The following CACNA1A variants were observed in gnomAD, a reference collection of about 807,000 sequenced individuals.
CACNA1A encodes the protein calcium voltage-gated channel subunit alpha1 A.
Under a neutral mutation model 262.4 loss-of-function variants are expected in CACNA1A, and 57 were observed. The ratio of observed to expected loss-of-function variants is 0.22; its 90% confidence interval spans 0.18 to 0.27. CACNA1A has a LOEUF of 0.27. Ranked by LOEUF, CACNA1A falls within the 10% of genes least tolerant of loss-of-function variation. The probability of loss-of-function intolerance (pLI) is 1.00; values close to 1 mark genes in which losing one functional copy is unlikely to be tolerated. For synonymous variants in CACNA1A, 1,431 were observed against 1,419.3 expected (o/e 1.01, Z -0.18); for missense variants, 2,526 against 3,562.8 (o/e 0.71, Z 7.41).
chr19:13,384,385 T>C (rs2059573289), intron 3 of CACNA1A, among the ~76,000 whole-genome samples: 1 of 152,152 alleles, frequency 6.6e-6, no homozygotes, highest in Non-Finnish European at 1.5e-5. Flanking sequence ...GAGAATGGCA[T>C]ACCTGACAGT....
intron 5 of CACNA1A, among the ~76,000 whole-genome samples, chr19:13,360,033 T>C (rs2059075459): frequency 6.6e-6 from 1 of 151,896 alleles, no homozygotes; most frequent in Non-Finnish European, 1.5e-5. Context: ...AGTTTTTTTT[T>C]TTTTTCTATT....
At chr19:13,258,667 G>GT (rs1185575863) in intron 27 of CACNA1A, 3 of 152,210 alleles carry the variant, frequency 2.0e-5, no homozygotes, top group African/African-American at 7.2e-5. Flanking sequence ...AGTAGGGCAT[G>GT]TTCAGGTTGG....
chr19:13,417,595 GA>G (rs1164242229), intron 3 of CACNA1A, among the ~76,000 whole-genome samples: 2 of 152,100 alleles, frequency 1.3e-5, no homozygotes, highest in African/African-American at 4.8e-5. Flanking sequence ...GGAGTTAAAA[GA>G]GAACCATAGT....
intron 6 of CACNA1A, among the ~76,000 whole-genome samples, chr19:13,358,521 T>C (rs1415212558): frequency 2.0e-5 from 3 of 152,188 alleles, no homozygotes; most frequent in African/African-American, 7.2e-5. Context: ...GAACAGCATG[T>C]ATAGAATGCT....
intron 7 of CACNA1A, 82 bp from the exon 8 acceptor site, chr19:13,334,575 G>GTA: frequency 3.0e-6 from 2 of 665,816 alleles, no homozygotes; most frequent in Middle Eastern, 3.7e-4. Flanking sequence ...GTGTGTGTGT[G>GTA]TGTGTGTGTG....
Position 13,303,860 on chromosome 19 carries a change from C to G in CACNA1A, c.2011G>C (p.Glu671Gln). The change falls in exon 16 of 47, where the codon GAG becomes CAG. Residue 671 changes from glutamate (E) to glutamine (Q), a missense_variant. Glu to Gln is a conservative substitution (Grantham distance 29, BLOSUM62 2). Transcript: ENST00000360228. ...FQILTGEDWN[E>Q]VMYDGIKSQG... ...GACTTGATCCCGTCGTACATGACCT[C>G]GTTCCAGTCTTCGCCCGTCAGGATC... 6.2e-7 allele frequency: 1 copy of G among 1,613,554 alleles called. No homozygotes were observed. The highest frequency in any genetic ancestry group is 8.5e-7 in the Non-Finnish European group (1 of 1,179,600).
intron 17 of CACNA1A, 96 bp from the exon 18 acceptor site, chr19:13,300,752 AT>A: frequency 1.0e-6 from 1 of 969,526 alleles, no homozygotes; most frequent in Non-Finnish European, 1.7e-6. Flanking sequence ...CATTTGAAAT[AT>A]TTCGACCAAT....
chr19:13,483,168 T>G (rs980332351), intron 1 of CACNA1A, among the ~76,000 whole-genome samples: 7 of 152,066 alleles, frequency 4.6e-5, no homozygotes, highest in African/African-American at 1.7e-4. Context: ...CTTCATACTC[T>G]TTTCCTACAG....
intron 38 of CACNA1A, among the ~76,000 whole-genome samples, chr19:13,217,542 G>T (rs759579188): frequency 1.3e-5 from 2 of 152,172 alleles, no homozygotes; most frequent in Non-Finnish European, 2.9e-5. Flanking sequence ...GCCTGGCTCA[G>T]CTGTGGAACT....
At chr19:13,473,727 G>A (rs1255561194) in intron 1 of CACNA1A, among the ~76,000 whole-genome samples, 1 of 149,768 alleles carries the variant, frequency 6.7e-6, no homozygotes, top group Non-Finnish European at 1.5e-5. Flanking sequence ...GTACATCCCA[G>A]TTCCAGGCAC....
chr19:13,377,240 G>A lies in CACNA1A; in HGVS notation c.540-5461C>T, dbSNP rs989619045. ...GCCTCCCAAAGTGGTGGGATTACAG[G>A]TGCGAGCCACTGTACCCAGCCAGAA... On this transcript the variant is annotated intron_variant, in intron 3 of 46. Transcript: ENST00000360228. Among the ~76,000 whole-genome samples, 18 of 151,972 alleles carry A rather than the reference G, an allele frequency of 1.2e-4. No individual in the cohort carries two copies. In the East Asian group the frequency reaches 2.9e-3, roughly 24 times the overall value.
At position 13,298,789 on chromosome 19, in the gene CACNA1A, G is replaced by C. The variant is rs559862641; in HGVS notation, c.2844C>G (p.Arg948=). ...GSRESRSGSP[R]TGADGEHRRH... ...GTCGATGCTCCCCGTCCGCGCCCGT[G>C]CGCGGGGACCCGCTGCGGCTCTCCC... Residue 948 remains arginine (R), a synonymous_variant, in exon 19 of 47, where the codon CGC becomes CGG. Transcript: ENST00000360228. The C allele has an allele frequency of 5.6e-4, 871 of 1,542,004 alleles. 1 individual carries two copies. Among genetic ancestry groups the C allele is most frequent in the Middle Eastern group, 5.6e-3 (27 of 4,808 alleles).
intron 12 of CACNA1A, among the ~76,000 whole-genome samples, chr19:13,311,910 A>G (rs2419244): frequency 0.29 from 44,720 of 152,102 alleles, 7,170 homozygotes; most frequent in East Asian, 0.47. Flanking sequence ...CAACAGGACT[A>G]TGGTAAATGA....
At chr19:13,412,837 G>C (rs1315815062) in intron 3 of CACNA1A, among the ~76,000 whole-genome samples, 2 of 152,150 alleles carry the variant, frequency 1.3e-5, no homozygotes, top group African/African-American at 4.8e-5. Context: ...ACATTTGTTT[G>C]GTAGAAAGGG....
intron 1 of CACNA1A, among the ~76,000 whole-genome samples, chr19:13,489,034 C>T (rs1459084138): frequency 6.6e-5 from 5 of 75,326 alleles, no homozygotes; most frequent in Non-Finnish European, 8.4e-5. Context: ...TTTTTTGAGA[C>T]GGAGTCTCTC....
rs60884577 is a variant in CACNA1A, at chr19:13,349,007, C to CAAAA, written c.978+10595_978+10598dup. Among the ~76,000 whole-genome samples, 69 of 59,458 alleles carry CAAAA rather than the reference C, an allele frequency of 1.2e-3. 1 individual carries two copies. Among genetic ancestry groups the CAAAA allele is most frequent in the East Asian group, 5.6e-3 (10 of 1,776 alleles). 39.0% of individuals were successfully genotyped at this position (59,458 alleles called of 152,430 possible). The stretch of plus-strand genomic sequence containing the variant: ...TGGGTGACAGAGTGAGACGCTGTCT[C>CAAAA]AAAAAAAAAAAAAAAAAAAAAGAGA... On this transcript the variant is annotated intron_variant, in intron 6 of 46. Transcript: ENST00000360228.
intron 31 of CACNA1A, among the ~76,000 whole-genome samples, chr19:13,237,713 G>A (rs1394825618): frequency 6.6e-6 from 1 of 152,104 alleles, no homozygotes; most frequent in Non-Finnish European, 1.5e-5. Flanking sequence ...CCAGTGCCTC[G>A]AACAAGCCCC....
chr19:13,429,947 G>A (rs1241566292), intron 3 of CACNA1A, among the ~76,000 whole-genome samples: 1 of 144,076 alleles, frequency 6.9e-6, no homozygotes, highest in African/African-American at 2.6e-5. Flanking sequence ...AGAACGGCGG[G>A]TGCCAGGGGC....
chr19:13,261,542 G>T lies in CACNA1A; in HGVS notation c.4158C>A (p.Phe1386Leu). ...VFNILIVYML[F>L]MFIFAVVAVQ... is the part of the protein sequence containing the mutation. The stretch of plus-strand genomic sequence containing the variant: ...CAGCCACCACGGCGAAGATGAACAT[G>T]AATAGCATGTAGACGATGAGGATGT... The change falls in exon 26 of 47, where the codon TTC becomes TTA. Residue 1386 changes from phenylalanine to leucine, a missense_variant. Coordinates refer to ENST00000360228, the MANE Select transcript of CACNA1A (RefSeq NM_001127222.2). The T allele has an allele frequency of 6.2e-7, 1 of 1,606,504 alleles. No individual in the cohort carries two copies. The highest frequency in any genetic ancestry group is 2.2e-5 in the East Asian group (1 of 44,674).
Sources: gnomAD v4.1 joint callset for allele counts (sites outside exome capture counted in the v4.1 genomes callset) on GRCh38, gnomAD v4.1.1 for gene constraint, MANE v1.5 for transcripts, NCBI Gene and HGNC (gene_info 2026-07-23, HGNC 2026-07-21) for gene names.